Variants in KHDRBS2 observed in about 807,000 individuals in gnomAD.
The protein encoded by KHDRBS2 is KH RNA binding domain containing, signal transduction associated 2, also known as KH domain-containing, RNA-binding, signal transduction-associated protein 2.
KHDRBS2 carries 26 observed loss-of-function variants against 44.3 expected under a neutral mutation model. The observed-to-expected ratio is 0.59, with a 90% confidence interval of 0.43 to 0.81. The LOEUF is 0.81. Among genes scored for constraint, KHDRBS2 ranks in the 40% least tolerant of loss-of-function variants. KHDRBS2 has a pLI of 0.00. For missense variants in KHDRBS2, 476 were observed against 433.1 expected, an observed-to-expected ratio of 1.10 and a Z score of -0.88; for synonymous variants, 194 against 151.1, an observed-to-expected ratio of 1.28 and a Z score of -2.08.
chr6:61,734,728 GTTCA>G (rs1325505264), intron 6 of KHDRBS2, among the ~76,000 whole-genome samples: 1 of 151,730 alleles, frequency 6.6e-6, no homozygotes, highest in Admixed American at 6.6e-5. Flanking sequence ...GTTAATAATT[GTTCA>G]TTCATCTTAT....
intron 6 of KHDRBS2, among the ~76,000 whole-genome samples, chr6:61,779,694 A>C (rs544098540): frequency 9.4e-4 from 143 of 152,274 alleles, no homozygotes; most frequent in African/African-American, 3.2e-3. Context: ...TTTTATATTA[A>C]TACTACTACC....
At chr6:61,571,002 C>T in the KHDRBS2 span, among the ~76,000 whole-genome samples, 1 of 150,976 alleles carries the variant, frequency 6.6e-6, no homozygotes, top group Non-Finnish European at 1.5e-5. Flanking sequence ...AAAATAATAA[C>T]ACAATGAAAA....
intron 4 of KHDRBS2, among the ~76,000 whole-genome samples, chr6:61,960,332 T>C (rs2035480400): frequency 6.6e-6 from 1 of 152,170 alleles, no homozygotes; most frequent in East Asian, 1.9e-4. Flanking sequence ...TTTAAAAAAA[T>C]CATGAGCCCT....
At chr6:62,275,299 A>G (rs1332828004) in intron 1 of KHDRBS2, among the ~76,000 whole-genome samples, 2 of 152,062 alleles carry the variant, frequency 1.3e-5, no homozygotes, top group Non-Finnish European at 2.9e-5. Context: ...TAGCATACCA[A>G]ATGTTCTTTC....
the KHDRBS2 span, among the ~76,000 whole-genome samples, chr6:61,632,748 G>A: frequency 1.3e-5 from 2 of 151,920 alleles, no homozygotes; most frequent in African/African-American, 4.8e-5. Flanking sequence ...TTTTCTCAGG[G>A]GTGGTTCACC....
chr6:62,092,024 A>G (rs1173703076), intron 2 of KHDRBS2, among the ~76,000 whole-genome samples: 1 of 152,190 alleles, frequency 6.6e-6, no homozygotes, highest in African/African-American at 2.4e-5. Flanking sequence ...CAAAGATAAT[A>G]TAAAATTACC....
chr6:61,594,363 T>A, the KHDRBS2 span, among the ~76,000 whole-genome samples: 2 of 152,130 alleles, frequency 1.3e-5, no homozygotes, highest in Non-Finnish European at 2.9e-5. Context: ...ATTGGAGTTT[T>A]CAAAATTCTT....
At chr6:61,831,152 G>C (rs1468121889) in intron 6 of KHDRBS2, among the ~76,000 whole-genome samples, 1 of 152,016 alleles carries the variant, frequency 6.6e-6, no homozygotes, top group Admixed American at 6.6e-5. Flanking sequence ...TAGCATTGAG[G>C]CTCCTTAAGC....
chr6:61,630,598 T>C, the KHDRBS2 span: 1 of 152,350 alleles, frequency 6.6e-6, no homozygotes, highest in East Asian at 1.9e-4. Context: ...AGTTGTATGC[T>C]TACAGAACAG....
intron 6 of KHDRBS2, among the ~76,000 whole-genome samples, chr6:61,790,942 A>C (rs1390172884): frequency 6.6e-6 from 1 of 151,512 alleles, no homozygotes; most frequent in African/African-American, 2.4e-5. Context: ...ACATCTCTTT[A>C]ACAGCTATAG....
chr6:62,073,540 T>TG, intron 2 of KHDRBS2, among the ~76,000 whole-genome samples: 1 of 149,554 alleles, frequency 6.7e-6, no homozygotes, highest in Middle Eastern at 3.4e-3. Context: ...CTTTTTTTTT[T>TG]TTTTTGTTTT....
the KHDRBS2 span, among the ~76,000 whole-genome samples, chr6:61,596,650 T>G: frequency 1.3e-5 from 2 of 152,112 alleles, no homozygotes; most frequent in East Asian, 3.9e-4. Context: ...TTAATTTAAT[T>G]TAATTAATTT....
chr6:61,954,575 TAGAC>T (rs1562510796), intron 4 of KHDRBS2, among the ~76,000 whole-genome samples: 1 of 138,226 alleles, frequency 7.2e-6, no homozygotes, highest in Non-Finnish European at 1.6e-5. Context: ...CATACGTATG[TAGAC>T]ATATTTATGT....
chr6:61,733,400 G>A (rs1774804538), intron 6 of KHDRBS2, among the ~76,000 whole-genome samples: 1 of 152,060 alleles, frequency 6.6e-6, no homozygotes, highest in Admixed American at 6.6e-5. Flanking sequence ...AGACCAGCCT[G>A]GCCAACATGG....
In KHDRBS2 at chr6:62,242,856, C is replaced by G. The variant is rs576541511; in HGVS notation, c.91+43002G>C. 3.9e-5 allele frequency among the ~76,000 whole-genome samples: 6 copies of G among 152,310 alleles called. No homozygotes were observed. The South Asian group carries it at 1.2e-3, about 32-fold the overall frequency. ...ACACAATTTAAAATCCAATCCAAATCTGGCCCACATGTTTTGCCTGCAGGA... is the reference window on the plus strand; with the variant it reads ...ACACAATTTAAAATCCAATCCAAATGTGGCCCACATGTTTTGCCTGCAGGA... On this transcript the variant is annotated intron_variant, in intron 1 of 8. Transcript: ENST00000281156.
chr6:61,915,635 G>C (rs1362906846), intron 4 of KHDRBS2, among the ~76,000 whole-genome samples: 1 of 151,950 alleles, frequency 6.6e-6, no homozygotes, highest in East Asian at 1.9e-4. Context: ...CTCATTTTAT[G>C]CACTTCTTTG....
chr6:61,570,260 G>C, the KHDRBS2 span, among the ~76,000 whole-genome samples: 1 of 152,124 alleles, frequency 6.6e-6, no homozygotes, highest in Admixed American at 6.6e-5. Context: ...GACACATTCA[G>C]TGAAATACAA....
At chr6:62,285,794 TA>T (rs1842404142) in intron 1 of KHDRBS2, 63 bp downstream of exon 1, 3 of 1,176,976 alleles carry the variant, frequency 2.5e-6, no homozygotes, top group African/African-American at 1.5e-5. Context: ...TTCACTCCCC[TA>T]ATCAAGCCGC....
intron 6 of KHDRBS2, among the ~76,000 whole-genome samples, chr6:61,739,455 C>T (rs965224122): frequency 2.6e-4 from 40 of 151,624 alleles, no homozygotes; most frequent in South Asian, 2.1e-4. Context: ...TCCTCAATTT[C>T]GTGTTCCATT....
Sources: allele counts gnomAD v4.1 joint callset (sites outside exome capture counted in the v4.1 genomes callset), GRCh38; gene constraint gnomAD v4.1.1; transcripts MANE v1.5; gene names NCBI Gene and HGNC (gene_info 2026-07-23, HGNC 2026-07-21).